The following CRYL1 variants were observed in gnomAD, a reference collection of about 807,000 sequenced individuals.
CRYL1 encodes lambda-crystallin homolog.
In CRYL1, 29 loss-of-function variants were observed where a neutral mutation model predicts 36.6. The observed-to-expected ratio is 0.79, with a 90% confidence interval of 0.59 to 1.08. CRYL1 has a LOEUF of 1.08. Among genes scored for constraint, CRYL1 ranks in the 50% least tolerant of loss-of-function variants. The probability of loss-of-function intolerance (pLI) is 0.00; values close to 1 mark genes in which losing one functional copy is unlikely to be tolerated. For synonymous variants in CRYL1, 152 were observed against 151.5 expected (o/e 1.00, Z -0.02); for missense variants, 411 against 407.9 (o/e 1.01, Z -0.06).
At chr13:20,513,309 T>C (rs1179911864) in intron 1 of CRYL1, 3 of 152,164 alleles carry the variant, frequency 2.0e-5, no homozygotes, top group Admixed American at 6.6e-5. Context: ...CATTTGACCA[T>C]GTCTTAGGCA....
chr13:20,456,159 G>T (rs569908793), intron 3 of CRYL1, among the ~76,000 whole-genome samples: 2 of 152,174 alleles, frequency 1.3e-5, no homozygotes, highest in East Asian at 3.9e-4. Context: ...TGAGGCCTTG[G>T]GTTAGGCAAA....
At position 20,481,624 on chromosome 13, in the gene CRYL1, C is replaced by G. The variant is rs1013713258; in HGVS notation, c.276+7746G>C. 4.6e-5 allele frequency among the ~76,000 whole-genome samples: 7 copies of G among 152,078 alleles called. No individual in the cohort carries two copies. The highest frequency in any genetic ancestry group is 1.7e-4 in the African/African-American group (7 of 41,408). On this transcript the variant is annotated intron_variant, in intron 3 of 7. Transcript: ENST00000298248. This position sits in a 1 kb window ranked among gnomAD's most constrained non-coding sequence, Gnocchi z 4.1. ...TTTACAGTTTTTAAAGAAAAAAACA[C>G]GTATGGCCATGCGTGGTGGCTCACT... is the stretch of plus-strand genomic sequence containing the variant.
intron 5 of CRYL1, chr13:20,419,211 T>C (rs140293302): frequency 2.0e-5 from 3 of 152,334 alleles, no homozygotes; most frequent in African/African-American, 2.4e-5. Context: ...GCTAGGGTAC[T>C]AGACTATCCC....
At chr13:20,510,428 A>C (rs867476817) in intron 2 of CRYL1, among the ~76,000 whole-genome samples, 1 of 152,156 alleles carries the variant, frequency 6.6e-6, no homozygotes, top group Non-Finnish European at 1.5e-5. Flanking sequence ...ATTATATAAC[A>C]TTCTGGAAAA....
intron 2 of CRYL1, among the ~76,000 whole-genome samples, chr13:20,504,454 C>T (rs1309717010): frequency 6.6e-6 from 1 of 151,966 alleles, no homozygotes; most frequent in African/African-American, 2.4e-5. Flanking sequence ...CAGGCACCCA[C>T]CATCACGCCC....
intron 6 of CRYL1, among the ~76,000 whole-genome samples, chr13:20,405,345 G>C (rs993936788): frequency 2.6e-5 from 4 of 151,880 alleles, no homozygotes; most frequent in Admixed American, 6.6e-5. Flanking sequence ...GGGACCCTCC[G>C]GTTGGCCTGC....
intron 2 of CRYL1, among the ~76,000 whole-genome samples, chr13:20,504,900 T>G (rs1420330059): frequency 1.3e-5 from 2 of 152,190 alleles, no homozygotes; most frequent in Non-Finnish European, 2.9e-5. Context: ...TTAAATCAAC[T>G]TCCCCCCGTT....
chr13:20,479,075 C>A (rs935073715), intron 3 of CRYL1, among the ~76,000 whole-genome samples: 1 of 152,042 alleles, frequency 6.6e-6, no homozygotes, highest in African/African-American at 2.4e-5. Flanking sequence ...TGTGAGCCAC[C>A]GCGCCTGGCC....
Position 20,439,679 on chromosome 13 carries a change from T to C in CRYL1, c.352A>G (p.Ile118Val). The change falls in exon 4 of 8, where the codon ATC becomes GTC. Residue 118 changes from isoleucine (I) to valine (V), a missense_variant. Ile to Val is a conservative substitution (Grantham distance 29). Coordinates refer to ENST00000298248, the MANE Select transcript of CRYL1 (RefSeq NM_015974.3). ...QLDSIIDDRV[I>V]LSSSTSCLMP... ...AGACAAGAAGTGGAACTGCTTAAGATCACTCGATCATCAATGATGGAATCT... is the reference window on the plus strand; with the variant it reads ...AGACAAGAAGTGGAACTGCTTAAGACCACTCGATCATCAATGATGGAATCT... The C allele has an allele frequency of 1.9e-6, 3 of 1,614,076 alleles. No homozygotes were observed. The highest frequency in any genetic ancestry group is 1.6e-4 in the Middle Eastern group (1 of 6,062).
chr13:20,508,848 CAAAAAAAAAAA>C (rs1179533995), intron 2 of CRYL1, among the ~76,000 whole-genome samples: 2 of 10,448 alleles, frequency 1.9e-4, no homozygotes, highest in African/African-American at 6.4e-4. Context: ...AGCGAGACTC[CAAAAAAAAAAA>C]AAAAAAAAAA....
intron 3 of CRYL1, among the ~76,000 whole-genome samples, chr13:20,472,157 G>A (rs2033074733): frequency 1.3e-5 from 2 of 151,990 alleles, no homozygotes; most frequent in African/African-American, 2.4e-5. Context: ...CACCACATCC[G>A]GCCCAAGTCC....
chr13:20,470,438 G>T (rs1390125593), intron 3 of CRYL1, among the ~76,000 whole-genome samples: 1 of 152,248 alleles, frequency 6.6e-6, no homozygotes, highest in Non-Finnish European at 1.5e-5. Flanking sequence ...GACAAGAGCA[G>T]TGACATCGTC....
intron 6 of CRYL1, among the ~76,000 whole-genome samples, chr13:20,408,001 A>G (rs988888261): frequency 2.0e-5 from 3 of 152,172 alleles, no homozygotes; most frequent in Non-Finnish European, 4.4e-5. Flanking sequence ...CCACCCATAC[A>G]TGGGAAGTCC....
At chr13:20,408,914 G>C (rs1357045857) in intron 6 of CRYL1, among the ~76,000 whole-genome samples, 1 of 152,152 alleles carries the variant, frequency 6.6e-6, no homozygotes, top group African/African-American at 2.4e-5. Context: ...CATGAAAATG[G>C]CCACACTGCC....
At chr13:20,427,235 G>A (rs2031953251) in intron 5 of CRYL1, 1 of 985,436 alleles carries the variant, frequency 1.0e-6, no homozygotes, top group South Asian at 4.7e-5. Context: ...AGTGTCAGTA[G>A]ATTGTGGCCA....
chr13:20,525,679 G>A lies in CRYL1; in HGVS notation c.41+75C>T. On this transcript the variant is annotated intron_variant, in intron 1 of 7. Transcript: ENST00000298248. This position sits in a 1 kb window ranked among gnomAD's most constrained non-coding sequence, Gnocchi z 4.3. ...CAGCGACCCGGCGCCCACCCCGAGG[G>A]CCCCACGCGAGGGCACCACGTCCCC... 8.2e-7 allele frequency: 1 copy of A among 1,217,706 alleles called. No individual in the cohort carries two copies. The highest frequency in any genetic ancestry group is 1.1e-6 in the Non-Finnish European group (1 of 952,274). The allele number at this position is 1,217,706 out of a possible 1,614,324, so 75.4% of individuals were successfully genotyped here. A position where few individuals can be genotyped will look rare whatever the true frequency, so the allele number is the denominator to read the frequency against.
chr13:20,519,061 G>T (rs2137520180), intron 1 of CRYL1, among the ~76,000 whole-genome samples: 1 of 152,272 alleles, frequency 6.6e-6, no homozygotes, highest in Middle Eastern at 3.4e-3. Flanking sequence ...GCCAAGGGCT[G>T]GGCTGGGATA....
At chr13:20,489,534 ACAC>A in intron 2 of CRYL1, 38 bp from the exon 3 acceptor site, 2 of 1,607,890 alleles carry the variant, frequency 1.2e-6, no homozygotes, top group Middle Eastern at 1.7e-4. Flanking sequence ...TGAGTATTCA[ACAC>A]CACATTTAAA....
chr13:20,512,656 AAATATTC>A (rs2033935887), intron 1 of CRYL1, 106 bp from the exon 2 acceptor site: 1 of 741,066 alleles, frequency 1.3e-6, no homozygotes, highest in Non-Finnish European at 2.2e-6. Context: ...CCTATTCTTA[AAATATTC>A]AATACATATC....
Sources: allele counts gnomAD v4.1 joint callset (sites outside exome capture counted in the v4.1 genomes callset), GRCh38; gene constraint gnomAD v4.1.1; non-coding constraint Gnocchi (gnomAD v3.1); transcripts MANE v1.5; gene names NCBI Gene and HGNC (gene_info 2026-07-23, HGNC 2026-07-21).